The following GPR39 variants were observed in gnomAD, a reference collection of about 807,000 sequenced individuals.
GPR39 encodes G protein-coupled receptor 39.
Under a neutral mutation model 18.4 loss-of-function variants are expected in GPR39, and 23 were observed. The ratio of observed to expected loss-of-function variants is 1.25; its 90% CI spans 0.90 to 1.77. The LOEUF (loss-of-function observed/expected upper bound fraction) is 1.77. Ranked by LOEUF, GPR39 falls within the 40% of genes most tolerant of loss-of-function variation. The pLI is 0.00. For synonymous variants in GPR39, 280 were observed against 257.9 expected, an observed-to-expected ratio of 1.09 and a Z score of -0.82; for missense variants, 647 against 602.4, an observed-to-expected ratio of 1.07 and a Z score of -0.78.
chr2:132,531,195 G>A (rs1029068956), intron 1 of GPR39, among the ~76,000 whole-genome samples: 4 of 152,256 alleles, frequency 2.6e-5, no homozygotes, highest in East Asian at 3.9e-4. Context: ...AAAGGCAGGG[G>A]TTGCAATCCT....
At position 132,417,772 on chromosome 2, in the gene GPR39, A is replaced by T. The variant is rs769436437; in HGVS notation, c.730A>T (p.Asn244Tyr). The stretch of plus-strand genomic sequence containing the variant: ...GCTCTCCGTAGCCTTCATGTGCTGG[A>T]ACATGATGCAGGTGCTCATGAAAAG... ...VLLSVAFMCW[N>Y]MMQVLMKSQK... The change falls in exon 1 of 2, where the codon AAC becomes TAC. Residue 244 changes from asparagine to tyrosine, a missense_variant. This residue lies in a region of GPR39 where 581 missense variants were observed against 506.8 expected (regional missense o/e 1.15). Transcript: ENST00000329321. 6.2e-7 allele frequency: 1 copy of T among 1,614,178 alleles called. No homozygotes were observed. The highest frequency in any genetic ancestry group is 1.7e-5 in the Admixed American group (1 of 60,030).
Position 132,645,967 on chromosome 2 carries a change from A to AAACTC in GPR39, c.*363_*367dup. ...CCCAGAATAAAAGGACACCCAGAAG[A>AAACTC]AACTCACTCAGGGAGGTGGGGGGTT... On this transcript the variant is annotated 3_prime_UTR_variant, in exon 2 of 2. Transcript: ENST00000329321. 9.1e-7 allele frequency: 1 copy of AAACTC among 1,098,540 alleles called. No individual in the cohort carries two copies. The highest frequency in any genetic ancestry group is 1.3e-6 in the Non-Finnish European group (1 of 774,192). 68.0% of individuals were successfully genotyped at this position (1,098,540 alleles called of 1,614,324 possible).
chr2:132,533,198 A>T (rs1018325140), intron 1 of GPR39, among the ~76,000 whole-genome samples: 1 of 151,742 alleles, frequency 6.6e-6, no homozygotes, highest in African/African-American at 2.4e-5. Flanking sequence ...TTATACACCA[A>T]CAACAGACAA....
At chr2:132,454,755 A>C (rs925365846) in intron 1 of GPR39, among the ~76,000 whole-genome samples, 5 of 152,040 alleles carry the variant, frequency 3.3e-5, no homozygotes, top group African/African-American at 9.7e-5. Flanking sequence ...GGTTTTTGTC[A>C]TTGGTTCTGT....
At chr2:132,531,485 A>G (rs575177319) in intron 1 of GPR39, among the ~76,000 whole-genome samples, 1 of 152,338 alleles carries the variant, frequency 6.6e-6, no homozygotes, top group African/African-American at 2.4e-5. Context: ...AATTGAACTC[A>G]GCTCTGCACC....
At chr2:132,605,345 A>G (rs1681115912) in intron 1 of GPR39, among the ~76,000 whole-genome samples, 1 of 152,194 alleles carries the variant, frequency 6.6e-6, no homozygotes, top group East Asian at 1.9e-4. Flanking sequence ...GAGGAAAGCC[A>G]TGATCAAAGC....
chr2:132,489,886 A>G (rs914975422), intron 1 of GPR39, among the ~76,000 whole-genome samples: 1 of 151,876 alleles, frequency 6.6e-6, no homozygotes, highest in Admixed American at 6.6e-5. Flanking sequence ...TTCAGAGAGG[A>G]GAGGAGGCTC....
At chr2:132,566,333 T>G (rs1680349748) in intron 1 of GPR39, among the ~76,000 whole-genome samples, 1 of 150,646 alleles carries the variant, frequency 6.6e-6, no homozygotes, top group Admixed American at 6.6e-5. Context: ...TGCAAAAATT[T>G]TCTCCCATGT....
At chr2:132,493,376 T>TAC (rs949772070) in intron 1 of GPR39, among the ~76,000 whole-genome samples, 7 of 144,494 alleles carry the variant, frequency 4.8e-5, no homozygotes, top group Non-Finnish European at 1.1e-4. Flanking sequence ...ACTATATATA[T>TAC]ACACACCGTA....
At chr2:132,576,469 A>G (rs1462779229) in intron 1 of GPR39, among the ~76,000 whole-genome samples, 1 of 152,106 alleles carries the variant, frequency 6.6e-6, no homozygotes, top group Non-Finnish European at 1.5e-5. Flanking sequence ...CCTGGCCAAC[A>G]TGGCAAAACC....
At chr2:132,472,789 A>G (rs180698951) in intron 1 of GPR39, among the ~76,000 whole-genome samples, 27 of 152,276 alleles carry the variant, frequency 1.8e-4, no homozygotes, top group African/African-American at 6.0e-4. Context: ...CTTGGTGGAT[A>G]TAGTATTACT....
intron 1 of GPR39, among the ~76,000 whole-genome samples, chr2:132,557,978 G>A (rs1680185419): frequency 6.6e-6 from 1 of 151,194 alleles, no homozygotes; most frequent in Admixed American, 6.6e-5. Flanking sequence ...GCTGCACTGA[G>A]TGGTGGTGGT....
chr2:132,418,439 C>G (rs1394248627), intron 1 of GPR39: 1 of 153,364 alleles, frequency 6.5e-6, no homozygotes, highest in African/African-American at 2.4e-5. Flanking sequence ...TTCCTTGGAG[C>G]CTCTTCGACC....
At chr2:132,571,400 A>T (rs2104814847) in intron 1 of GPR39, among the ~76,000 whole-genome samples, 1 of 152,284 alleles carries the variant, frequency 6.6e-6, no homozygotes, top group East Asian at 1.9e-4. Context: ...CATTTTTAAA[A>T]ACTCTGTAAT....
intron 1 of GPR39, among the ~76,000 whole-genome samples, chr2:132,456,802 T>G (rs1680736713): frequency 6.6e-6 from 1 of 152,238 alleles, no homozygotes; most frequent in Non-Finnish European, 1.5e-5. Context: ...TGTTGAATAT[T>G]GGCTCCTACT....
chr2:132,644,128 A>T (rs1294275196), intron 1 of GPR39, among the ~76,000 whole-genome samples: 1 of 152,154 alleles, frequency 6.6e-6, no homozygotes, highest in Non-Finnish European at 1.5e-5. Context: ...CTAAACTCTC[A>T]TGATACCTGT....
At chr2:132,633,497 A>G (rs973184318) in intron 1 of GPR39, among the ~76,000 whole-genome samples, 4 of 152,132 alleles carry the variant, frequency 2.6e-5, no homozygotes, top group African/African-American at 9.7e-5. Context: ...GCTACTGAAT[A>G]GAAGAATAAC....
intron 1 of GPR39, among the ~76,000 whole-genome samples, chr2:132,498,326 A>G (rs999451737): frequency 1.3e-5 from 2 of 152,180 alleles, no homozygotes; most frequent in African/African-American, 4.8e-5. Flanking sequence ...GAGTGAGAAC[A>G]TATGATGTTT....
chr2:132,510,163 C>T (rs966968848), intron 1 of GPR39, among the ~76,000 whole-genome samples: 2 of 152,160 alleles, frequency 1.3e-5, no homozygotes, highest in Non-Finnish European at 2.9e-5. Context: ...AATTTTGACT[C>T]CCTGCAAGTT....
Sources: gnomAD v4.1 joint callset for allele counts (sites outside exome capture counted in the v4.1 genomes callset) on GRCh38, gnomAD v4.1.1 for gene constraint, gnomAD v4.1.1 regional missense constraint, MANE v1.5 for transcripts, NCBI Gene and HGNC (gene_info 2026-07-23, HGNC 2026-07-21) for gene names.